Variants in OAS3 observed in about 807,000 individuals in gnomAD.
OAS3 encodes the protein 2'-5'-oligoadenylate synthetase 3.
A neutral mutation model predicts 113.0 loss-of-function variants in OAS3; 107 were observed. The observed-to-expected ratio is 0.95, with a 90% CI of 0.81 to 1.11. The LOEUF (loss-of-function observed/expected upper bound fraction) is 1.11, where lower values mean the gene tolerates loss of function less well. Ranked by LOEUF, OAS3 falls within the 50% of genes most tolerant of loss-of-function variation. The pLI is 0.00. For missense variants in OAS3, 1,258 were observed against 1,389.1 expected, an observed-to-expected ratio of 0.91 and a Z score of 1.50; for synonymous variants, 552 against 573.6, an observed-to-expected ratio of 0.96 and a Z score of 0.54.
chr12:112,938,566 C>T lies in OAS3; in HGVS notation c.36C>T (p.Asp12=), dbSNP rs763639014. ...DLYSTPAAAL[D]RFVARRLQPR... The stretch of plus-strand genomic sequence containing the variant: ...ACAGCACCCCGGCCGCTGCGCTGGA[C>T]AGGTTCGTGGCCAGAAGGCTGCAGC... Residue 12 remains aspartate, a synonymous_variant, in exon 1 of 16, where the codon GAC becomes GAT. Coordinates refer to ENST00000228928, the MANE Select transcript of OAS3 (RefSeq NM_006187.4). The T allele has an allele frequency of 6.2e-7, 1 of 1,610,204 alleles. No homozygotes were observed. The highest frequency in any genetic ancestry group is 1.1e-5 in the South Asian group (1 of 90,784).
At chr12:112,966,953 A>T (rs2043939550) in intron 12 of OAS3, among the ~76,000 whole-genome samples, 1 of 152,200 alleles carries the variant, frequency 6.6e-6, no homozygotes, top group Admixed American at 6.5e-5. Flanking sequence ...CCAGAAATTT[A>T]TCTGAATCTA....
intron 3 of OAS3, chr12:112,944,865 A>G: frequency 1.7e-6 from 1 of 583,662 alleles, no homozygotes. Flanking sequence ...ATCCTTATTT[A>G]GTTAATATAA....
At chr12:112,961,801 CT>C (rs760022099) in intron 8 of OAS3, among the ~76,000 whole-genome samples, 9,670 of 146,026 alleles carry the variant, frequency 0.066, 978 homozygotes, top group African/African-American at 0.22. Flanking sequence ...CTTTCATAGC[CT>C]TTTTTTTTTT....
chr12:112,951,338 A>T (rs1021721608), intron 7 of OAS3, among the ~76,000 whole-genome samples: 1 of 150,644 alleles, frequency 6.6e-6, no homozygotes, highest in Non-Finnish European at 1.5e-5. Flanking sequence ...TTTATGGTTC[A>T]TTTTTTTTTA....
chr12:112,955,667 A>G (rs949459989), intron 7 of OAS3, among the ~76,000 whole-genome samples: 17 of 152,228 alleles, frequency 1.1e-4, no homozygotes, highest in East Asian at 3.8e-4. Flanking sequence ...CCAAGGATGA[A>G]GCCAACTTGA....
In OAS3 at chr12:112,949,100, C is replaced by T; in HGVS notation, c.1269C>T (p.His423=). Residue 423 remains histidine (H), a synonymous_variant, in exon 6 of 16, where the codon CAC becomes CAT. Coordinates refer to ENST00000228928, the MANE Select transcript of OAS3 (RefSeq NM_006187.4). ...TKELDRFIQD[H]LKPSPQFQEQ... is the part of the protein sequence containing the mutation. ...AGCTGGACCGCTTCATCCAGGACCA[C>T]CTGAAGCCGAGCCCCCAGTTCCAGG... is the stretch of plus-strand genomic sequence containing the variant. 1.2e-6 allele frequency: 2 copies of T among 1,614,024 alleles called. No individual in the cohort carries two copies. The highest frequency in any genetic ancestry group is 1.7e-6 in the Non-Finnish European group (2 of 1,179,884).
In OAS3 at chr12:112,970,153, TCA is replaced by T. The variant is rs2043972222; in HGVS notation, c.*186_*187del. 3 of 712,918 alleles carry T rather than the reference TCA, an allele frequency of 4.2e-6. No homozygotes were observed. The allele number at this position is 712,918 out of a possible 1,614,324, so 44.2% of individuals were successfully genotyped here. A position where few individuals can be genotyped will look rare whatever the true frequency, so the allele number is the denominator to read the frequency against. On this transcript the variant is annotated 3_prime_UTR_variant, in exon 16 of 16. Coordinates refer to ENST00000228928, the MANE Select transcript of OAS3 (RefSeq NM_006187.4). ...GTTTTAGTGAATCTGCTCTCCCAGC[TCA>T]CACACTCCCCTGCCTCCCATGGCTT...
intron 13 of OAS3, 45 bp from the exon 14 acceptor site, chr12:112,967,891 A>T (rs370997989): frequency 1.3e-6 from 2 of 1,586,676 alleles, no homozygotes; most frequent in Non-Finnish European, 1.7e-6. Flanking sequence ...TCTGTACCTC[A>T]TCAGTGCCAA....
In OAS3 at chr12:112,965,606, C is replaced by T. The variant is rs1593185120; in HGVS notation, c.2404-138C>T. ...TCTTACAATCTTAAATACAGTCTTT[C>T]TTACCATATTAAAGATCTAACACAG... On this transcript the variant is annotated intron_variant, in intron 11 of 15. Coordinates refer to ENST00000228928, the MANE Select transcript of OAS3 (RefSeq NM_006187.4). 1.2e-5 allele frequency: 9 copies of T among 759,654 alleles called. No homozygotes were observed. In the East Asian group the frequency reaches 1.9e-4, roughly 16 times the overall value. The allele number at this position is 759,654 out of a possible 1,614,324, so 47.1% of individuals were successfully genotyped here.
Position 112,954,046 on chromosome 12 carries a change from A to C in OAS3, c.1657+3071A>C, listed in dbSNP as rs2043813105. Reference sequence around the variant, plus strand: ...CTGTTGCCATTGCTTTTGGTGTTTTAGTCATGAAGTCCTTGCCCATGCCTA... The same window carrying C: ...CTGTTGCCATTGCTTTTGGTGTTTTCGTCATGAAGTCCTTGCCCATGCCTA... On this transcript the variant is annotated intron_variant, in intron 7 of 15. Transcript: ENST00000228928. The surrounding 1 kb of genome is among the most constrained non-coding windows in gnomAD (Gnocchi z 4.0). Among the ~76,000 whole-genome samples, 1 of 152,152 alleles carries C rather than the reference A, an allele frequency of 6.6e-6. No individual in the cohort carries two copies. Among genetic ancestry groups the C allele is most frequent in the South Asian group, 2.1e-4 (1 of 4,832 alleles).
In OAS3 at chr12:112,961,916, C is replaced by G. The variant is rs369764709; in HGVS notation, c.1833+670C>G. 6.6e-5 allele frequency among the ~76,000 whole-genome samples: 10 copies of G among 152,100 alleles called. No individual in the cohort carries two copies. The South Asian group carries it at 1.7e-3, about 25-fold the overall frequency. On this transcript the variant is annotated intron_variant, in intron 8 of 15. Coordinates refer to ENST00000228928, the MANE Select transcript of OAS3 (RefSeq NM_006187.4). ...GCTCAAGTAGTCCTCCTGCCTCAGC[C>G]CCCGTAGTAGCTAAGACTACAGGCA...
At position 112,972,561 on chromosome 12, in the gene OAS3, A is replaced by G. The variant is rs2043994258; in HGVS notation, c.*2588A>G. 6.6e-6 allele frequency: 1 copy of G among 152,264 alleles called. No homozygotes were observed. Among genetic ancestry groups the G allele is most frequent in the Non-Finnish European group, 1.5e-5 (1 of 68,064 alleles). The allele number at this position is 152,264 out of a possible 1,614,324, so 9.4% of individuals were successfully genotyped here. A position where few individuals can be genotyped will look rare whatever the true frequency, so the allele number is the denominator to read the frequency against. Reference sequence around the variant, plus strand: ...GAAAAATACACACGCAATAGCTAGGAAAACACAGGGAAAGAAGAGTTCTGA... The same window carrying G: ...GAAAAATACACACGCAATAGCTAGGGAAACACAGGGAAAGAAGAGTTCTGA... On this transcript the variant is annotated 3_prime_UTR_variant, in exon 16 of 16. Coordinates refer to ENST00000228928, the MANE Select transcript of OAS3 (RefSeq NM_006187.4).
rs762177355 is a variant in OAS3 at position 112,941,692 on chromosome 12, G to A, written c.300G>A (p.Glu100=). The A allele has an allele frequency of 6.2e-7, 1 of 1,614,080 alleles. No homozygotes were observed. Among genetic ancestry groups the A allele is most frequent in the Non-Finnish European group, 8.5e-7 (1 of 1,179,902 alleles). The change falls in exon 2 of 16, where the codon GAG becomes GAA. Residue 100 remains glutamate (E), a synonymous_variant. Transcript: ENST00000228928. ...QRARRAEILS[E]MRASLESWWQ... is the part of the protein sequence containing the mutation. ...CCCGCCGTGCAGAGATCCTCAGTGAGATGCGGGCATCGCTGGAATCCTGGT... is the reference window on the plus strand; with the variant it reads ...CCCGCCGTGCAGAGATCCTCAGTGAAATGCGGGCATCGCTGGAATCCTGGT...
chr12:112,938,847 C>A, intron 1 of OAS3, 140 bp downstream of exon 1: 1 of 733,864 alleles, frequency 1.4e-6, no homozygotes, highest in Non-Finnish European at 2.1e-6. Flanking sequence ...TTCCAATGTG[C>A]CAGCCCCGTG....
At chr12:112,947,882 C>A in intron 4 of OAS3, 64 bp from the exon 5 acceptor site, 3 of 1,412,884 alleles carry the variant, frequency 2.1e-6, no homozygotes, top group South Asian at 1.4e-5. Context: ...CGATTGGAAC[C>A]AGGTCCGTTT....
chr12:112,949,134 A>G lies in OAS3; in HGVS notation c.1303A>G (p.Lys435Glu), dbSNP rs776555607. Residue 435 changes from lysine to glutamate, a missense_variant, in exon 6 of 16, where the codon AAA (lysine) becomes GAA (glutamate). By Grantham distance (56) the Lys-to-Glu change is moderately conservative. Transcript: ENST00000228928. ...GAGCCCCCAGTTCCAGGAGCAGGTG[A>G]AAAAGGCCATTGACATCATCTTGCG... ...KPSPQFQEQVKKAIDIILRCL... is the reference protein window; with the variant it reads ...KPSPQFQEQVEKAIDIILRCL... 3.3e-5 allele frequency: 54 copies of G among 1,613,502 alleles called. No homozygotes were observed. The highest frequency in any genetic ancestry group is 9.9e-5 in the South Asian group (9 of 91,082).
chr12:112,938,678 G>A lies in OAS3; in HGVS notation c.148G>A (p.Ala50Thr). ...LRERGGRLGA[A>T]APRVLKTVKG... ...GGAGCGCGGGGGCCGCCTCGGTGCT[G>A]CTGCCCCGCGGGTGCTGAAAACTGT... The change falls in exon 1 of 16, where the codon GCT (alanine) becomes ACT (threonine). Residue 50 changes from alanine (A) to threonine (T), a missense_variant. Coordinates refer to ENST00000228928, the MANE Select transcript of OAS3 (RefSeq NM_006187.4). 4 of 1,578,828 alleles carry A rather than the reference G, an allele frequency of 2.5e-6. No homozygotes were observed. The highest frequency in any genetic ancestry group is 3.4e-6 in the Non-Finnish European group (4 of 1,164,358).
chr12:112,942,408 A>G (rs11066455), intron 2 of OAS3: 4,265 of 163,050 alleles, frequency 0.026, 203 homozygotes, highest in African/African-American at 0.095. Flanking sequence ...TATGTAATCA[A>G]GCTTAGAAGT....
intron 14 of OAS3, 103 bp from the exon 15 acceptor site, chr12:112,969,505 C>T (rs1593187381): frequency 7.3e-7 from 1 of 1,361,722 alleles, no homozygotes; most frequent in East Asian, 2.5e-5. Context: ...TGGCTCTAGC[C>T]CCTGCAAAGT....
Sources: allele counts gnomAD v4.1 joint callset (sites outside exome capture counted in the v4.1 genomes callset), GRCh38; gene constraint gnomAD v4.1.1; non-coding constraint Gnocchi (gnomAD v3.1); transcripts MANE v1.5; gene names NCBI Gene and HGNC (gene_info 2026-07-23, HGNC 2026-07-21).